Variants in DSCAM observed in about 807,000 individuals in gnomAD.
DSCAM encodes the protein cell adhesion molecule DSCAM.
A neutral mutation model predicts 217.7 loss-of-function variants in DSCAM; 47 were observed. That is an observed-to-expected ratio of 0.22 (90% CI 0.17 to 0.28). The LOEUF (loss-of-function observed/expected upper bound fraction) is 0.28, where lower values mean the gene tolerates loss of function less well. Among genes scored for constraint, DSCAM ranks in the 10% least tolerant of loss-of-function variants. DSCAM has a pLI of 1.00. For missense variants in DSCAM, 2,080 were observed against 2,618.3 expected (o/e 0.79, Z 4.49); for synonymous variants, 1,056 against 1,015.3 (o/e 1.04, Z -0.76).
At chr21:40,413,863 A>T (rs1215419420) in intron 3 of DSCAM, among the ~76,000 whole-genome samples, 1 of 152,222 alleles carries the variant, frequency 6.6e-6, no homozygotes, top group Non-Finnish European at 1.5e-5. Context: ...GAAAGAAAAA[A>T]TTCAAAAAGT....
rs1250839265 is a variant in DSCAM at position 40,498,646 on chromosome 21, A to T, written c.509-129401T>A. Reference sequence around the variant, plus strand: ...ATGCACTATGTATATATATATATATAGTGTGTGTGTATATATATACCCATA... The same window carrying T: ...ATGCACTATGTATATATATATATATTGTGTGTGTGTATATATATACCCATA... On this transcript the variant is annotated intron_variant, in intron 3 of 32. Transcript: ENST00000400454. 1.2e-3 allele frequency among the ~76,000 whole-genome samples: 127 copies of T among 106,578 alleles called. 4 individuals are homozygous for T. Among genetic ancestry groups the T allele is most frequent in the Middle Eastern group, 6.4e-3 (1 of 156 alleles). 69.9% of individuals were successfully genotyped at this position (106,578 alleles called of 152,430 possible). A position where few individuals can be genotyped will look rare whatever the true frequency, so the allele number is the denominator to read the frequency against.
Position 40,536,657 on chromosome 21 carries a change from T to C in DSCAM, c.508+156153A>G, listed in dbSNP as rs541124022. On this transcript the variant is annotated intron_variant, in intron 3 of 32. Coordinates refer to ENST00000400454, the MANE Select transcript of DSCAM (RefSeq NM_001389.5). ...TCCTGACCTCGTGATCCGCCCGCCT[T>C]GGCCTCCCAAAGTGCAGGGATTACA... Among the ~76,000 whole-genome samples the C allele has an allele frequency of 8.8e-4, 134 of 152,242 alleles. 1 individual carries two copies. The highest frequency in any genetic ancestry group is 7.1e-3 in the South Asian group (34 of 4,822).
chr21:40,513,173 T>G (rs2146066502), intron 3 of DSCAM: 1 of 152,314 alleles, frequency 6.6e-6, no homozygotes, highest in South Asian at 2.1e-4. Flanking sequence ...AGTGCTGGGA[T>G]TCTTACATCG....
intron 27 of DSCAM, among the ~76,000 whole-genome samples, chr21:40,072,466 C>A (rs1173881736): frequency 6.6e-6 from 1 of 151,888 alleles, no homozygotes; most frequent in Non-Finnish European, 1.5e-5. Flanking sequence ...CCTGCCTCAG[C>A]CTCCCAAGTA....
At chr21:40,436,132 T>G (rs959873650) in intron 3 of DSCAM, among the ~76,000 whole-genome samples, 2 of 152,342 alleles carry the variant, frequency 1.3e-5, no homozygotes, top group South Asian at 2.1e-4. Flanking sequence ...TAGGATGAGT[T>G]TATCAGGACA....
intron 32 of DSCAM, among the ~76,000 whole-genome samples, chr21:40,020,901 C>G (rs370609340): frequency 6.6e-6 from 1 of 152,260 alleles, no homozygotes; most frequent in East Asian, 1.9e-4. Flanking sequence ...GTGCTCTGCC[C>G]TGAGGCCAAT....
At chr21:40,664,946 T>C (rs2090183762) in intron 3 of DSCAM, among the ~76,000 whole-genome samples, 1 of 152,068 alleles carries the variant, frequency 6.6e-6, no homozygotes, top group African/African-American at 2.4e-5. Context: ...TCACAGGAGA[T>C]CTGGTTGTTT....
intron 8 of DSCAM, among the ~76,000 whole-genome samples, chr21:40,320,120 G>T (rs2074243975): frequency 6.6e-6 from 1 of 152,122 alleles, no homozygotes; most frequent in Non-Finnish European, 1.5e-5. Context: ...GGGTTGAGAG[G>T]TGCAGCATAC....
chr21:40,774,820 T>G (rs1168198571), intron 1 of DSCAM, among the ~76,000 whole-genome samples: 1 of 151,894 alleles, frequency 6.6e-6, no homozygotes, highest in Non-Finnish European at 1.5e-5. Context: ...TGGAACAGAT[T>G]CAACAAAGAT....
intron 3 of DSCAM, chr21:40,383,304 C>A (rs2017995): frequency 0.45 from 68,095 of 151,858 alleles, 15,959 homozygotes; most frequent in South Asian, 0.64. Flanking sequence ...GCACTCCAGC[C>A]TGGGTGACAC....
At chr21:40,341,752 G>C (rs1228044436) in intron 6 of DSCAM, among the ~76,000 whole-genome samples, 2 of 152,120 alleles carry the variant, frequency 1.3e-5, no homozygotes, top group African/African-American at 4.8e-5. Context: ...ATAATTAGAA[G>C]ATGTAACTTT....
At chr21:40,452,398 C>T (rs992488501) in intron 3 of DSCAM, among the ~76,000 whole-genome samples, 1 of 151,852 alleles carries the variant, frequency 6.6e-6, no homozygotes, top group Middle Eastern at 3.2e-3. Flanking sequence ...GAAACGTGTG[C>T]ATCGGGACAT....
At chr21:40,645,968 C>T (rs9984400) in intron 3 of DSCAM, among the ~76,000 whole-genome samples, 57,725 of 151,832 alleles carry the variant, frequency 0.38, 11,818 homozygotes, top group East Asian at 0.6. Flanking sequence ...GAGCCTTTAG[C>T]CTATAAAATT....
intron 32 of DSCAM, among the ~76,000 whole-genome samples, chr21:40,017,396 A>G (rs917706630): frequency 1.3e-5 from 2 of 152,128 alleles, no homozygotes; most frequent in Non-Finnish European, 2.9e-5. Context: ...ATGAGTAGTT[A>G]TATGATTTCA....
intron 3 of DSCAM, among the ~76,000 whole-genome samples, chr21:40,672,214 C>A (rs903969545): frequency 1.3e-5 from 2 of 151,906 alleles, no homozygotes; most frequent in African/African-American, 2.4e-5. Context: ...AGGGCTTCAA[C>A]ATATATGGCT....
intron 3 of DSCAM, among the ~76,000 whole-genome samples, chr21:40,573,536 T>C (rs369215426): frequency 1.3e-5 from 2 of 152,096 alleles, no homozygotes; most frequent in East Asian, 1.9e-4. Context: ...AGGTGGTGCA[T>C]AGAGGGAGAT....
intron 16 of DSCAM, among the ~76,000 whole-genome samples, chr21:40,150,464 G>T (rs186010224): frequency 1.3e-5 from 2 of 152,300 alleles, no homozygotes; most frequent in African/African-American, 4.8e-5. Flanking sequence ...TTAAATTAAA[G>T]AAATCCTTGT....
intron 32 of DSCAM, among the ~76,000 whole-genome samples, chr21:40,038,062 C>A (rs36161451): frequency 0.047 from 7,149 of 151,356 alleles, 245 homozygotes; most frequent in Non-Finnish European, 0.074. Context: ...ACCATAAAAA[C>A]CCTAGAAGAA....
chr21:40,254,624 C>T (rs781355238), intron 11 of DSCAM, among the ~76,000 whole-genome samples: 42 of 152,134 alleles, frequency 2.8e-4, no homozygotes, highest in Non-Finnish European at 1.3e-4. Context: ...AGCCCAGGCC[C>T]CCAGCCCCAG....
Sources: gnomAD v4.1 joint callset for allele counts (sites outside exome capture counted in the v4.1 genomes callset) on GRCh38, gnomAD v4.1.1 for gene constraint, MANE v1.5 for transcripts, NCBI Gene and HGNC (gene_info 2026-07-23, HGNC 2026-07-21) for gene names.